PTPRD: variants seen among roughly 807,000 people sequenced by gnomAD.
PTPRD encodes receptor-type tyrosine-protein phosphatase delta.
A neutral mutation model predicts 214.5 loss-of-function variants in PTPRD; 34 were observed. That is an observed-to-expected ratio of 0.16 (90% confidence interval 0.12 to 0.21). PTPRD has a LOEUF of 0.21. PTPRD is among the 10% of genes least tolerant of loss of function. The pLI is 1.00. For missense variants in PTPRD, 2,545 were observed against 2,398.7 expected, an observed-to-expected ratio of 1.06 and a Z score of -1.27; for synonymous variants, 1,128 against 845.7, an observed-to-expected ratio of 1.33 and a Z score of -5.79.
At chr9:9,995,056 T>C (rs2096073820) in intron 4 of PTPRD, among the ~76,000 whole-genome samples, 1 of 152,150 alleles carries the variant, frequency 6.6e-6, no homozygotes, top group Non-Finnish European at 1.5e-5. Flanking sequence ...GTAAACTGAA[T>C]TTAGATTTTT....
At chr9:10,240,641 A>G (rs867499929) in intron 3 of PTPRD, among the ~76,000 whole-genome samples, 5 of 152,000 alleles carry the variant, frequency 3.3e-5, no homozygotes, top group African/African-American at 1.2e-4. Flanking sequence ...ATATGTACAG[A>G]AGGATAATAC....
chr9:10,369,031 C>CA (rs908583101), intron 2 of PTPRD, among the ~76,000 whole-genome samples: 23 of 151,648 alleles, frequency 1.5e-4, no homozygotes, highest in African/African-American at 5.6e-4. Context: ...TAAAATTAAG[C>CA]AAAACAAAAA....
At chr9:9,649,329 T>C (rs561888319) in intron 7 of PTPRD, among the ~76,000 whole-genome samples, 111 of 152,288 alleles carry the variant, frequency 7.3e-4, no homozygotes, top group African/African-American at 2.5e-3. Context: ...TATTACATTT[T>C]AGAGTCAAAT....
chr9:8,726,963 G>A (rs1352993170), intron 12 of PTPRD, among the ~76,000 whole-genome samples: 2 of 151,668 alleles, frequency 1.3e-5, no homozygotes, highest in African/African-American at 4.8e-5. Flanking sequence ...AGCAGAGCCA[G>A]ACCCTGTCTC....
intron 7 of PTPRD, among the ~76,000 whole-genome samples, chr9:9,591,694 C>A (rs1258687485): frequency 6.6e-6 from 1 of 151,998 alleles, no homozygotes; most frequent in Non-Finnish European, 1.5e-5. Flanking sequence ...TTAATTGACA[C>A]ATAAGTGTGT....
chr9:8,665,968 A>T (rs1359581807), intron 12 of PTPRD, among the ~76,000 whole-genome samples: 1 of 152,108 alleles, frequency 6.6e-6, no homozygotes, highest in African/African-American at 2.4e-5. Flanking sequence ...AATGAAATAA[A>T]GTGTGTTAAC....
At chr9:9,711,910 A>G (rs1199197473) in intron 7 of PTPRD, among the ~76,000 whole-genome samples, 1 of 152,144 alleles carries the variant, frequency 6.6e-6, no homozygotes, top group African/African-American at 2.4e-5. Context: ...ATCTAACTAT[A>G]TGAAGGGTTG....
At chr9:8,968,715 T>C (rs1431713546) in intron 11 of PTPRD, among the ~76,000 whole-genome samples, 1 of 152,082 alleles carries the variant, frequency 6.6e-6, no homozygotes, top group Non-Finnish European at 1.5e-5. Context: ...CCAAATAGTG[T>C]GATTTCAGTA....
intron 11 of PTPRD, among the ~76,000 whole-genome samples, chr9:8,802,990 TTATA>T (rs2096602261): frequency 6.6e-6 from 1 of 152,004 alleles, no homozygotes; most frequent in Admixed American, 6.6e-5. Flanking sequence ...GAGTTTGAAG[TTATA>T]TATAGTGAGC....
At chr9:9,606,265 C>G (rs1056473877) in intron 7 of PTPRD, among the ~76,000 whole-genome samples, 3 of 152,112 alleles carry the variant, frequency 2.0e-5, no homozygotes, top group Non-Finnish European at 4.4e-5. Context: ...TCATTAACAA[C>G]AGACCCTGGA....
chr9:9,247,352 A>G (rs1035607264), intron 9 of PTPRD, among the ~76,000 whole-genome samples: 2 of 150,954 alleles, frequency 1.3e-5, no homozygotes, highest in African/African-American at 2.4e-5. Flanking sequence ...TCCACTCTTC[A>G]TGGAATATAA....
intron 14 of PTPRD, among the ~76,000 whole-genome samples, chr9:8,577,954 T>TAA (rs992227691): frequency 5.3e-5 from 8 of 152,308 alleles, no homozygotes; most frequent in African/African-American, 1.7e-4. Context: ...TCTCTACACA[T>TAA]AATTGAGAAG....
intron 4 of PTPRD, among the ~76,000 whole-genome samples, chr9:9,982,111 A>G (rs1457045023): frequency 6.6e-6 from 1 of 152,200 alleles, no homozygotes; most frequent in South Asian, 2.1e-4. Context: ...CTTGAGCCGA[A>G]CATATGGTGA....
At chr9:8,742,538 GT>G (rs1458075243) in intron 11 of PTPRD, among the ~76,000 whole-genome samples, 1 of 151,660 alleles carries the variant, frequency 6.6e-6, no homozygotes, top group Non-Finnish European at 1.5e-5. Flanking sequence ...TGGGTAATAG[GT>G]TTTATTTATT....
intron 3 of PTPRD, among the ~76,000 whole-genome samples, chr9:10,135,303 T>C (rs2098933999): frequency 6.6e-6 from 1 of 152,096 alleles, no homozygotes; most frequent in Admixed American, 6.6e-5. Flanking sequence ...GGAAACAGTA[T>C]TTGAGGATAC....
At chr9:8,518,581 C>CA in intron 20 of PTPRD, 152 bp from the exon 21 acceptor site, 1 of 608,352 alleles carries the variant, frequency 1.6e-6, no homozygotes, top group Non-Finnish European at 2.7e-6. Flanking sequence ...TCTGAATGGC[C>CA]AAGAAGGACA....
At chr9:10,580,068 T>C (rs528960729) in intron 2 of PTPRD, among the ~76,000 whole-genome samples, 3 of 152,306 alleles carry the variant, frequency 2.0e-5, no homozygotes, top group African/African-American at 7.2e-5. Context: ...TTTGTTGTTC[T>C]AGCTTAATTA....
chr9:8,549,031 C>A (rs1034716713), intron 14 of PTPRD, among the ~76,000 whole-genome samples: 2 of 152,004 alleles, frequency 1.3e-5, no homozygotes, highest in Non-Finnish European at 2.9e-5. Context: ...AAAGAAAAAT[C>A]TTCACATTCT....
intron 14 of PTPRD, among the ~76,000 whole-genome samples, chr9:8,534,851 A>G (rs1564140025): frequency 2.0e-5 from 3 of 152,026 alleles, no homozygotes; most frequent in East Asian, 3.9e-4. Context: ...TTAAAACAAG[A>G]TATTTATGAA....
Sources: allele counts gnomAD v4.1 joint callset (sites outside exome capture counted in the v4.1 genomes callset), GRCh38; gene constraint gnomAD v4.1.1; transcripts MANE v1.5; gene names NCBI Gene and HGNC (gene_info 2026-07-23, HGNC 2026-07-21).